Variants in GNG4 observed in about 807,000 individuals in gnomAD.
GNG4 encodes the protein G protein subunit gamma 4, also known as guanine nucleotide-binding protein G(I)/G(S)/G(O) subunit gamma-4.
A neutral mutation model predicts 5.8 loss-of-function variants in GNG4; 4 were observed. The ratio of observed to expected loss-of-function variants is 0.69; its 90% CI spans 0.34 to 1.57. GNG4 has a LOEUF of 1.57. Ranked by LOEUF, GNG4 falls within the 40% of genes most tolerant of loss-of-function variation. The probability of loss-of-function intolerance (pLI) is 0.06; values close to 1 mark genes in which losing one functional copy is unlikely to be tolerated. For missense variants in GNG4, 96 were observed against 95.1 expected (o/e 1.01, Z -0.04); for synonymous variants, 29 against 32.9 (o/e 0.88, Z 0.41).
In GNG4 at chr1:235,634,646, C is replaced by A. The variant is rs556076213; in HGVS notation, c.-123+15016G>T. 2.0e-5 allele frequency among the ~76,000 whole-genome samples: 3 copies of A among 152,310 alleles called. No homozygotes were observed. The East Asian group carries it at 5.8e-4, about 29-fold the overall frequency. ...TCCTAATTAGGACCCCACAGTAAGG[C>A]TGCCTTCCTTTGCTGGCTGGACGCA... On this transcript the variant is annotated intron_variant, in intron 1 of 3. Coordinates refer to ENST00000391854, the MANE Select transcript of GNG4 (RefSeq NM_001098722.2).
At chr1:235,643,129 G>A (rs898764749) in intron 1 of GNG4, among the ~76,000 whole-genome samples, 3 of 152,130 alleles carry the variant, frequency 2.0e-5, no homozygotes, top group Non-Finnish European at 2.9e-5. Flanking sequence ...ACAGCCAGAC[G>A]GCCAAGGTGG....
intron 2 of GNG4, among the ~76,000 whole-genome samples, chr1:235,587,448 GTGA>G (rs1415054771): frequency 3.1e-5 from 2 of 63,616 alleles, no homozygotes; most frequent in African/African-American, 7.0e-5. Context: ...GTGAGCGTGT[GTGA>G]GGGTACAGGG....
At chr1:235,594,203 T>G (rs534693277) in intron 2 of GNG4, among the ~76,000 whole-genome samples, 1 of 152,318 alleles carries the variant, frequency 6.6e-6, no homozygotes, top group East Asian at 1.9e-4. Context: ...GAGTGTCGAT[T>G]GATGCATTCA....
At chr1:235,557,102 C>G (rs1686932600) in intron 3 of GNG4, among the ~76,000 whole-genome samples, 1 of 152,170 alleles carries the variant, frequency 6.6e-6, no homozygotes, top group Admixed American at 6.5e-5. Flanking sequence ...TCCTAACAGG[C>G]CACAGACTGG....
chr1:235,650,424 C>A (rs1387673427), upstream of GNG4: 2 of 152,410 alleles, frequency 1.3e-5, no homozygotes, highest in African/African-American at 2.4e-5. Flanking sequence ...CCTCAGGTAC[C>A]GCCCTCGCTC....
intron 1 of GNG4, among the ~76,000 whole-genome samples, chr1:235,613,933 C>T (rs1688533300): frequency 6.6e-6 from 1 of 152,180 alleles, no homozygotes; most frequent in South Asian, 2.1e-4. Flanking sequence ...CCCACCTCAG[C>T]CTCCTGAGTA....
intron 3 of GNG4, among the ~76,000 whole-genome samples, chr1:235,561,104 G>C (rs143371461): frequency 4.0e-4 from 61 of 152,270 alleles, no homozygotes; most frequent in Non-Finnish European, 6.3e-4. Flanking sequence ...CCACCTCACG[G>C]GTTCAAGACA....
At chr1:235,596,846 C>T (rs1339490481) in intron 1 of GNG4, among the ~76,000 whole-genome samples, 1 of 152,048 alleles carries the variant, frequency 6.6e-6, no homozygotes, top group Non-Finnish European at 1.5e-5. Flanking sequence ...CCTGAGCCTC[C>T]TGTGTAGCTG....
At chr1:235,599,445 T>G in intron 1 of GNG4, among the ~76,000 whole-genome samples, 1 of 151,288 alleles carries the variant, frequency 6.6e-6, no homozygotes, top group Non-Finnish European at 1.5e-5. Context: ...GCCTCCCGAG[T>G]AGCTGGGATT....
chr1:235,591,371 G>A (rs1687957454), intron 2 of GNG4, among the ~76,000 whole-genome samples: 1 of 152,042 alleles, frequency 6.6e-6, no homozygotes, highest in South Asian at 2.1e-4. Flanking sequence ...TCCCTGAGGT[G>A]GGCAAAAAAA....
At chr1:235,645,002 G>A (rs1432726108) in intron 1 of GNG4, among the ~76,000 whole-genome samples, 1 of 152,308 alleles carries the variant, frequency 6.6e-6, no homozygotes, top group African/African-American at 2.4e-5. Flanking sequence ...CAGGGCCCAC[G>A]TGGACGTGTG....
At chr1:235,596,212 ACACACACACACACACAC>A (rs1688121401) in intron 1 of GNG4, among the ~76,000 whole-genome samples, 2 of 105,454 alleles carry the variant, frequency 1.9e-5, no homozygotes, top group Middle Eastern at 8.6e-3. Context: ...AACAAAATAC[ACACACACACACACACAC>A]ACACACACAC....
intron 2 of GNG4, among the ~76,000 whole-genome samples, chr1:235,588,286 C>T (rs1687874636): frequency 6.6e-6 from 1 of 152,030 alleles, no homozygotes; most frequent in Non-Finnish European, 1.5e-5. Context: ...TCCATGGCCT[C>T]CCTCTCAGGC....
At chr1:235,604,174 G>A (rs892565648) in intron 1 of GNG4, among the ~76,000 whole-genome samples, 3 of 152,132 alleles carry the variant, frequency 2.0e-5, no homozygotes, top group African/African-American at 7.2e-5. Context: ...ACTGGACCAC[G>A]GTGTTGACCG....
At chr1:235,566,394 G>T (rs968897818) in intron 3 of GNG4, among the ~76,000 whole-genome samples, 1 of 152,192 alleles carries the variant, frequency 6.6e-6, no homozygotes, top group African/African-American at 2.4e-5. Flanking sequence ...CGCATGCAAG[G>T]AATCTAGCTT....
chr1:235,599,379 C>T (rs551413791), intron 1 of GNG4, among the ~76,000 whole-genome samples: 11 of 150,502 alleles, frequency 7.3e-5, no homozygotes, highest in African/African-American at 2.4e-4. Flanking sequence ...TGCAGTGACG[C>T]GATCTTGGTT....
intron 3 of GNG4, among the ~76,000 whole-genome samples, chr1:235,552,792 C>T (rs1018522271): frequency 3.3e-5 from 5 of 152,032 alleles, no homozygotes; most frequent in African/African-American, 9.7e-5. Context: ...GGCAGAGTCT[C>T]GCTCTGTTGC....
At chr1:235,564,975 G>A (rs1020768318) in intron 3 of GNG4, among the ~76,000 whole-genome samples, 2 of 152,142 alleles carry the variant, frequency 1.3e-5, no homozygotes, top group Non-Finnish European at 2.9e-5. Context: ...GAGCCACAGC[G>A]CCCAGCCAGT....
At chr1:235,624,391 T>C (rs1211099213) in intron 1 of GNG4, among the ~76,000 whole-genome samples, 1 of 152,040 alleles carries the variant, frequency 6.6e-6, no homozygotes, top group Non-Finnish European at 1.5e-5. Context: ...AGATTGCAAG[T>C]GTGAGCCCCC....
Sources: gnomAD v4.1 joint callset for allele counts (sites outside exome capture counted in the v4.1 genomes callset) on GRCh38, gnomAD v4.1.1 for gene constraint, MANE v1.5 for transcripts, NCBI Gene and HGNC (gene_info 2026-07-23, HGNC 2026-07-21) for gene names.